Variants in GPT2 observed in about 807,000 individuals in gnomAD.
GPT2 encodes the protein glutamic--pyruvic transaminase 2.
Under a neutral mutation model 56.9 loss-of-function variants are expected in GPT2, and 30 were observed. That is an observed-to-expected ratio of 0.53 (90% CI 0.39 to 0.72). GPT2 has a LOEUF of 0.72. GPT2 is among the 30% of genes least tolerant of loss of function. The pLI is 0.00. For synonymous variants in GPT2, 271 were observed against 283.1 expected (o/e 0.96, Z 0.43); for missense variants, 542 against 703.4 (o/e 0.77, Z 2.60).
chr16:46,898,679 A>G (rs1172606745), intron 3 of GPT2, among the ~76,000 whole-genome samples: 1 of 151,658 alleles, frequency 6.6e-6, no homozygotes, highest in African/African-American at 2.4e-5. Flanking sequence ...CCTCCTGAGT[A>G]GCTGGGATTA....
chr16:46,898,911 TAC>T (rs1360330757), intron 3 of GPT2, among the ~76,000 whole-genome samples: 1 of 146,180 alleles, frequency 6.8e-6, no homozygotes, highest in African/African-American at 2.5e-5. Flanking sequence ...CACATATATA[TAC>T]ACACACATAT....
chr16:46,915,614 A>G (rs200769275), intron 6 of GPT2: 3 of 143,582 alleles, frequency 2.1e-5, no homozygotes, highest in African/African-American at 5.3e-5. Context: ...ACACACACCA[A>G]ATACAGACAC....
chr16:46,899,103 GCT>G (rs1165105572), intron 3 of GPT2, among the ~76,000 whole-genome samples: 2 of 146,916 alleles, frequency 1.4e-5, no homozygotes, highest in Non-Finnish European at 3.0e-5. Context: ...CATGATCACT[GCT>G]CTCTGTAACC....
rs370384102 is a variant in GPT2, at chr16:46,929,034, T to C, written c.*37T>C. The stretch of plus-strand genomic sequence containing the variant: ...CCCCAGCGGGAGACCTGTCCTTGGC[T>C]CTTCCTCCCAATGCCCGTCAGGCTG... On this transcript the variant is annotated 3_prime_UTR_variant, in exon 12 of 12. Coordinates refer to ENST00000340124, the MANE Select transcript of GPT2 (RefSeq NM_133443.4). 46 of 1,534,592 alleles carry C rather than the reference T, an allele frequency of 3.0e-5. No individual in the cohort carries two copies. The Middle Eastern group carries it at 5.2e-4, about 17-fold the overall frequency.
In GPT2 at chr16:46,884,475, G is replaced by C. The variant is rs1596855270; in HGVS notation, c.-23+8G>C. On this transcript the variant is annotated splice_region_variant and intron_variant, in intron 1 of 11. Coordinates refer to ENST00000340124, the MANE Select transcript of GPT2 (RefSeq NM_133443.4). ...GCCTACCAGGGGCGACAGGCACGTT[G>C]CATGCATGCCTTGGGCGCAGCCTTT... is the stretch of plus-strand genomic sequence containing the variant. The C allele has an allele frequency of 2.7e-6, 1 of 373,912 alleles. No homozygotes were observed. Among genetic ancestry groups the C allele is most frequent in the East Asian group, 4.1e-5 (1 of 24,494 alleles). 23.2% of individuals were successfully genotyped at this position (373,912 alleles called of 1,614,324 possible).
intron 2 of GPT2, 107 bp from the exon 3 acceptor site, chr16:46,897,541 C>A: frequency 9.9e-7 from 1 of 1,014,644 alleles, no homozygotes; most frequent in Non-Finnish European, 1.5e-6. Flanking sequence ...CTTGGTAAGC[C>A]TCAAAATAGG....
chr16:46,888,933 A>C (rs1960533685), intron 2 of GPT2, among the ~76,000 whole-genome samples: 2 of 151,960 alleles, frequency 1.3e-5, no homozygotes, highest in Admixed American at 1.3e-4. Flanking sequence ...GGTAGGTATG[A>C]GCCACCACAC....
At chr16:46,897,530 A>G (rs1960705187) in intron 2 of GPT2, 118 bp from the exon 3 acceptor site, 1 of 866,290 alleles carries the variant, frequency 1.2e-6, no homozygotes. Context: ...CAAGTCAGAT[A>G]CTTGGTAAGC....
At chr16:46,887,226 T>C (rs971893660) in intron 2 of GPT2, among the ~76,000 whole-genome samples, 1 of 152,134 alleles carries the variant, frequency 6.6e-6, no homozygotes, top group Non-Finnish European at 1.5e-5. Context: ...CTCAGCACTT[T>C]GGGAAGCCAA....
At position 46,922,338 on chromosome 16, in the gene GPT2, A is replaced by C. The variant is rs763323582; in HGVS notation, c.1134A>C (p.Pro378=). The C allele has an allele frequency of 5.0e-6, 8 of 1,613,924 alleles. No individual in the cohort carries two copies. The Admixed American group carries it at 1.3e-4, about 27-fold the overall frequency. ...VKLLSVRLCP[P]VSGQAAMDIV... ...TGCTGTCGGTGCGCCTGTGCCCCCC[A>C]GTGTCTGGGCAGGCCGCCATGGACA... Residue 378 remains proline, a synonymous_variant, in exon 9 of 12, where the codon CCA becomes CCC. Transcript: ENST00000340124.
At chr16:46,890,745 A>T (rs4966708) in intron 2 of GPT2, among the ~76,000 whole-genome samples, 27,400 of 152,170 alleles carry the variant, frequency 0.18, 3,211 homozygotes, top group African/African-American at 0.33. Context: ...TATCACAGTC[A>T]ATTATTAATA....
rs1222646283 is a variant in GPT2, at chr16:46,916,673, C to T, written c.866C>T (p.Ala289Val). 6.2e-7 allele frequency: 1 copy of T among 1,613,828 alleles called. No individual in the cohort carries two copies. The highest frequency in any genetic ancestry group is 1.7e-5 in the Admixed American group (1 of 60,024). ...RKCIEDVIHFAWEEKLFLLAD... is the reference protein window; with the variant it reads ...RKCIEDVIHFVWEEKLFLLAD... ...TGCATAGAAGATGTGATCCACTTTG[C>T]CTGGGAAGAGAAGCTCTTTCTCCTG... The change falls in exon 7 of 12, where the codon GCC (alanine) becomes GTC (valine). Residue 289 changes from alanine to valine, a missense_variant. Transcript: ENST00000340124.
chr16:46,914,876 G>A (rs1309869462), intron 6 of GPT2, among the ~76,000 whole-genome samples: 1 of 152,080 alleles, frequency 6.6e-6, no homozygotes, highest in East Asian at 1.9e-4. Context: ...TGGGGGGGAG[G>A]GCACAAGCTG....
intron 1 of GPT2, 65 bp from the exon 2 acceptor site, chr16:46,884,629 G>A: frequency 2.3e-6 from 3 of 1,312,232 alleles, no homozygotes; most frequent in Non-Finnish European, 1.9e-6. Flanking sequence ...CTGGGCTTGT[G>A]TGGGGGAGTG....
At chr16:46,918,843 C>A in intron 8 of GPT2, 86 bp downstream of exon 8, 1 of 1,511,094 alleles carries the variant, frequency 6.6e-7, no homozygotes, top group South Asian at 1.2e-5. Flanking sequence ...CGTGGTCCAC[C>A]CACTTGGATG....
intron 2 of GPT2, among the ~76,000 whole-genome samples, chr16:46,889,606 C>T (rs769438636): frequency 1.7e-4 from 26 of 152,116 alleles, no homozygotes; most frequent in Non-Finnish European, 3.2e-4. Flanking sequence ...ATGAACCCTC[C>T]GCCTACCCAG....
At chr16:46,904,604 A>G (rs369403285) in intron 4 of GPT2, among the ~76,000 whole-genome samples, 2 of 152,168 alleles carry the variant, frequency 1.3e-5, no homozygotes, top group South Asian at 2.1e-4. Flanking sequence ...AAGGGTAGAA[A>G]GTCTGTGACC....
At chr16:46,899,014 TATATATATATATATATATA>T (rs1960758420) in intron 3 of GPT2, among the ~76,000 whole-genome samples, 3 of 7,810 alleles carry the variant, frequency 3.8e-4, no homozygotes, top group African/African-American at 6.9e-4. Context: ...TATATATATA[TATATATATATATATATATA>T]TATTTTTTTT....
chr16:46,898,992 A>ACACAC (rs1355515495), intron 3 of GPT2, among the ~76,000 whole-genome samples: 1 of 62,324 alleles, frequency 1.6e-5, no homozygotes, highest in African/African-American at 4.9e-5. Context: ...ATATATATAT[A>ACACAC]ACACACATAT....
Sources: gnomAD v4.1 joint callset for allele counts (sites outside exome capture counted in the v4.1 genomes callset) on GRCh38, gnomAD v4.1.1 for gene constraint, MANE v1.5 for transcripts, NCBI Gene and HGNC (gene_info 2026-07-23, HGNC 2026-07-21) for gene names.